The following PIEZO2 variants were observed in gnomAD, a reference collection of about 807,000 sequenced individuals.
PIEZO2 encodes piezo-type mechanosensitive ion channel component 2.
A neutral mutation model predicts 337.3 loss-of-function variants in PIEZO2; 172 were observed. That is an observed-to-expected ratio of 0.51 (90% CI 0.45 to 0.58). The LOEUF (loss-of-function observed/expected upper bound fraction) is 0.58, where lower values mean the gene tolerates loss of function less well. Ranked by LOEUF, PIEZO2 falls within the 20% of genes least tolerant of loss-of-function variation. PIEZO2 has a pLI of 0.00. For missense variants in PIEZO2, 3,028 were observed against 3,391.3 expected, an observed-to-expected ratio of 0.89 and a Z score of 2.66; for synonymous variants, 1,251 against 1,228.5, an observed-to-expected ratio of 1.02 and a Z score of -0.38.
At chr18:10,687,964 G>C (rs1032540826) in intron 49 of PIEZO2, among the ~76,000 whole-genome samples, 2 of 152,132 alleles carry the variant, frequency 1.3e-5, no homozygotes, top group Non-Finnish European at 2.9e-5. Context: ...CAAATAAAAT[G>C]ATTGTTTATT....
chr18:10,984,584 A>G (rs1272418064), intron 2 of PIEZO2, among the ~76,000 whole-genome samples: 1 of 152,114 alleles, frequency 6.6e-6, no homozygotes. Context: ...TTAAAATCCT[A>G]TGGGACTTAC....
At chr18:11,056,462 A>G (rs1197608805) in intron 2 of PIEZO2, among the ~76,000 whole-genome samples, 1 of 152,250 alleles carries the variant, frequency 6.6e-6, no homozygotes, top group African/African-American at 2.4e-5. Context: ...CTAGGCTCTT[A>G]GAATTCTTGA....
At chr18:11,142,205 A>G (rs1379979079) in intron 1 of PIEZO2, among the ~76,000 whole-genome samples, 1 of 152,216 alleles carries the variant, frequency 6.6e-6, no homozygotes, top group Admixed American at 6.5e-5. Flanking sequence ...TGTTACATAT[A>G]TTTTCTTTTA....
At chr18:11,140,917 CCTTCTG>C (rs2040626046) in intron 1 of PIEZO2, among the ~76,000 whole-genome samples, 1 of 152,150 alleles carries the variant, frequency 6.6e-6, no homozygotes, top group Admixed American at 6.5e-5. Flanking sequence ...AAGGAGTGTT[CCTTCTG>C]CATCTCCTAC....
intron 3 of PIEZO2, among the ~76,000 whole-genome samples, chr18:10,918,403 A>G (rs186445490): frequency 6.6e-6 from 1 of 152,078 alleles, no homozygotes; most frequent in Non-Finnish European, 1.5e-5. Context: ...TAGATGGCAC[A>G]ACCTTAAGTA....
chr18:11,120,503 G>C (rs937502733), intron 1 of PIEZO2, among the ~76,000 whole-genome samples: 19 of 152,110 alleles, frequency 1.2e-4, no homozygotes, highest in Non-Finnish European at 2.5e-4. Flanking sequence ...AAAGTGCCTT[G>C]GTAGGGGCAA....
At chr18:10,930,163 C>T (rs1321877676) in intron 3 of PIEZO2, among the ~76,000 whole-genome samples, 1 of 152,166 alleles carries the variant, frequency 6.6e-6, no homozygotes, top group African/African-American at 2.4e-5. Flanking sequence ...AAAGCTGTCT[C>T]TTGTGGGGGA....
chr18:10,894,985 C>T lies in PIEZO2; in HGVS notation c.329+16201G>A, dbSNP rs1157867313. Among the ~76,000 whole-genome samples, 1 of 152,236 alleles carries T rather than the reference C, an allele frequency of 6.6e-6. No homozygotes were observed. The highest frequency in any genetic ancestry group is 6.5e-5 in the Admixed American group (1 of 15,286). On this transcript the variant is annotated intron_variant, in intron 4 of 55. Transcript: ENST00000674853. This position sits in a 1 kb window ranked among gnomAD's most constrained non-coding sequence, Gnocchi z 4.1. ...TGCAGATCCCACAATCCCTCCCTCTCTTTCCTGAGATGAGAGTCTGTAATG... is the reference window on the plus strand; with the variant it reads ...TGCAGATCCCACAATCCCTCCCTCTTTTTCCTGAGATGAGAGTCTGTAATG...
At chr18:11,115,594 G>T (rs1273959032) in intron 1 of PIEZO2, among the ~76,000 whole-genome samples, 1 of 152,112 alleles carries the variant, frequency 6.6e-6, no homozygotes, top group Non-Finnish European at 1.5e-5. Context: ...GAAGAATGCA[G>T]AATTTCACAC....
rs779606210 is a variant in PIEZO2, at chr18:10,856,014, A to G, written c.704-448T>C. On this transcript the variant is annotated intron_variant, in intron 6 of 55. Transcript: ENST00000674853. The surrounding 1 kb of genome is among the most constrained non-coding windows in gnomAD (Gnocchi z 4.7). ...TAAGTTAACTAGTACATCCTGGCCAATTAAACTCTCACTGTGCCATGCTTA... is the reference window on the plus strand; with the variant it reads ...TAAGTTAACTAGTACATCCTGGCCAGTTAAACTCTCACTGTGCCATGCTTA... 7.9e-5 allele frequency among the ~76,000 whole-genome samples: 12 copies of G among 151,970 alleles called. No individual in the cohort carries two copies. The highest frequency in any genetic ancestry group is 1.6e-4 in the Non-Finnish European group (11 of 67,990).
chr18:10,866,624 C>T (rs920623784), intron 5 of PIEZO2, among the ~76,000 whole-genome samples: 1 of 152,130 alleles, frequency 6.6e-6, no homozygotes, highest in African/African-American at 2.4e-5. Flanking sequence ...CTGACTGTCC[C>T]AAGGGCCTGT....
chr18:10,709,420 C>T (rs1383180514), intron 39 of PIEZO2: 2 of 152,286 alleles, frequency 1.3e-5, no homozygotes, highest in Non-Finnish European at 2.9e-5. Context: ...CAGAAAGCAA[C>T]TGGAATACTT....
rs1229873170 is a variant in PIEZO2, at chr18:11,038,072, GA to G, written c.160+28054del. Among the ~76,000 whole-genome samples, 3 of 152,138 alleles carry G rather than the reference GA, an allele frequency of 2.0e-5. No individual in the cohort carries two copies. Among genetic ancestry groups the G allele is most frequent in the Non-Finnish European group, 4.4e-5 (3 of 68,034 alleles). On this transcript the variant is annotated intron_variant, in intron 2 of 55. Coordinates refer to ENST00000674853, the MANE Select transcript of PIEZO2 (RefSeq NM_001378183.1). The surrounding 1 kb of genome is among the most constrained non-coding windows in gnomAD (Gnocchi z 4.1). ...AGGTGAGATGTAAGATAAGAAGGAG[GA>G]AGTCACACTTGTTTTTCATTGGCTC...
At chr18:11,090,746 T>TA (rs1241948013) in intron 1 of PIEZO2, among the ~76,000 whole-genome samples, 9 of 151,614 alleles carry the variant, frequency 5.9e-5, no homozygotes, top group African/African-American at 1.5e-4. Flanking sequence ...CAGTCTCTAC[T>TA]AAAAAAACAC....
At chr18:11,138,682 G>C (rs1236497461) in intron 1 of PIEZO2, among the ~76,000 whole-genome samples, 1 of 152,218 alleles carries the variant, frequency 6.6e-6, no homozygotes. Context: ...CAAGGTCCCT[G>C]AACCTACAGA....
At chr18:11,140,309 A>G (rs2040607531) in intron 1 of PIEZO2, among the ~76,000 whole-genome samples, 1 of 152,180 alleles carries the variant, frequency 6.6e-6, no homozygotes, top group Non-Finnish European at 1.5e-5. Context: ...CAGCATACCA[A>G]GGTAGCTCTG....
intron 2 of PIEZO2, among the ~76,000 whole-genome samples, chr18:11,022,879 C>G (rs2036366143): frequency 6.6e-6 from 1 of 151,956 alleles, no homozygotes; most frequent in Non-Finnish European, 1.5e-5. Context: ...GGAGTTTGTT[C>G]CTTCTGATGT....
chr18:10,929,319 A>G lies in PIEZO2; in HGVS notation c.287-18091T>C, dbSNP rs1240849134. On this transcript the variant is annotated intron_variant, in intron 3 of 55. Transcript: ENST00000674853. This position sits in a 1 kb window ranked among gnomAD's most constrained non-coding sequence, Gnocchi z 5.6. ...ATGAAGGTGTTATGCTGCTGCATGCATGGGTACCCCACATATGCTGTTGTG... is the reference window on the plus strand; with the variant it reads ...ATGAAGGTGTTATGCTGCTGCATGCGTGGGTACCCCACATATGCTGTTGTG... 6.6e-6 allele frequency among the ~76,000 whole-genome samples: 1 copy of G among 152,214 alleles called. No homozygotes were observed. The highest frequency in any genetic ancestry group is 1.5e-5 in the Non-Finnish European group (1 of 68,024).
At position 10,731,346 on chromosome 18, in the gene PIEZO2, G is replaced by C. The variant is rs535216453; in HGVS notation, c.5029+61C>G. 6.0e-6 allele frequency: 7 copies of C among 1,171,060 alleles called. No homozygotes were observed. In the South Asian group the frequency reaches 7.2e-5, roughly 12 times the overall value. 72.5% of individuals were successfully genotyped at this position (1,171,060 alleles called of 1,614,324 possible). ...AGAAGTTTCTGTCCTTTGCAGACAA[G>C]GCTGGGGAGCACAGCCTGAAACCTG... On this transcript the variant is annotated intron_variant, in intron 36 of 55. Transcript: ENST00000674853.
Sources: gnomAD v4.1 joint callset for allele counts (sites outside exome capture counted in the v4.1 genomes callset) on GRCh38, gnomAD v4.1.1 for gene constraint, Gnocchi (gnomAD v3.1) non-coding constraint, MANE v1.5 for transcripts, NCBI Gene and HGNC (gene_info 2026-07-23, HGNC 2026-07-21) for gene names.